Variants in NRG1 observed in about 807,000 individuals in gnomAD.
NRG1 encodes the protein neuregulin 1.
In NRG1, 18 loss-of-function variants were observed where a neutral mutation model predicts 63.8. The observed-to-expected ratio is 0.28, with a 90% CI of 0.19 to 0.42. The LOEUF is 0.42. Among genes scored for constraint, NRG1 ranks in the 10% least tolerant of loss-of-function variants. NRG1 has a pLI of 1.00. For missense variants in NRG1, 762 were observed against 814.7 expected, an observed-to-expected ratio of 0.94 and a Z score of 0.79; for synonymous variants, 302 against 301.3, an observed-to-expected ratio of 1.00 and a Z score of -0.02.
At chr8:32,332,777 G>A (rs1024233447) in intron 1 of NRG1, among the ~76,000 whole-genome samples, 3 of 152,298 alleles carry the variant, frequency 2.0e-5, no homozygotes, top group Admixed American at 6.5e-5. Context: ...CCACCAGACC[G>A]TGAGGCCTCT....
intron 1 of NRG1, among the ~76,000 whole-genome samples, chr8:32,282,073 C>G (rs1341745095): frequency 6.6e-6 from 1 of 152,140 alleles, no homozygotes; most frequent in Non-Finnish European, 1.5e-5. Context: ...TTTGATGGTA[C>G]AACTTCTAAC....
At chr8:31,905,404 T>G (rs945472928) in intron 1 of NRG1, among the ~76,000 whole-genome samples, 1 of 152,180 alleles carries the variant, frequency 6.6e-6, no homozygotes, top group Non-Finnish European at 1.5e-5. Flanking sequence ...GAGACAAAAC[T>G]CCCTCTTCTA....
At position 32,260,151 on chromosome 8, in the gene NRG1, T is replaced by C. The variant is rs118010487; in HGVS notation, c.38-335677T>C. 3.9e-3 allele frequency among the ~76,000 whole-genome samples: 601 copies of C among 152,218 alleles called. 8 individuals are homozygous for C. Among genetic ancestry groups the C allele is most frequent in the East Asian group, 0.024 (122 of 5,170 alleles). On this transcript the variant is annotated intron_variant, in intron 1 of 10. Transcript: ENST00000519301. ...ATGCCTGAACTTGCTCAAATAGAAA[T>C]GGGATTACTAAAACAACTATATATC...
chr8:31,942,309 G>A (rs1801872242), intron 1 of NRG1, among the ~76,000 whole-genome samples: 1 of 152,102 alleles, frequency 6.6e-6, no homozygotes, highest in Non-Finnish European at 1.5e-5. Flanking sequence ...TTCAACAAAT[G>A]GTGCTGAGAT....
At chr8:32,702,319 G>A (rs1051020040) in intron 5 of NRG1, among the ~76,000 whole-genome samples, 2 of 152,192 alleles carry the variant, frequency 1.3e-5, no homozygotes, top group Non-Finnish European at 2.9e-5. Context: ...TGTGTGGGAC[G>A]TGTGTCAGTG....
intron 1 of NRG1, among the ~76,000 whole-genome samples, chr8:31,972,950 T>A (rs1351027592): frequency 6.6e-6 from 1 of 152,230 alleles, no homozygotes; most frequent in Non-Finnish European, 1.5e-5. Flanking sequence ...ATACATAATA[T>A]ATAACTTCAC....
intron 1 of NRG1, among the ~76,000 whole-genome samples, chr8:32,031,683 C>A (rs1016244590): frequency 6.6e-6 from 1 of 152,128 alleles, no homozygotes; most frequent in Non-Finnish European, 1.5e-5. Context: ...TATTGTTCAG[C>A]TCCTACTTAT....
chr8:32,200,864 G>A (rs1335793489), intron 1 of NRG1, among the ~76,000 whole-genome samples: 1 of 152,042 alleles, frequency 6.6e-6, no homozygotes, highest in Non-Finnish European at 1.5e-5. Flanking sequence ...TTCCTTCAGG[G>A]GTAAAATCTC....
At chr8:31,868,375 C>T (rs993295041) in intron 1 of NRG1, among the ~76,000 whole-genome samples, 1 of 152,118 alleles carries the variant, frequency 6.6e-6, no homozygotes, top group African/African-American at 2.4e-5. Flanking sequence ...GTGTAACTAC[C>T]TCAAATAAAT....
chr8:32,320,380 T>C (rs529987586), intron 1 of NRG1, among the ~76,000 whole-genome samples: 1 of 152,288 alleles, frequency 6.6e-6, no homozygotes, highest in South Asian at 2.1e-4. Flanking sequence ...CATTCTCTCA[T>C]TGCTATAAAG....
At chr8:32,655,691 A>G (rs982386110) in intron 5 of NRG1, among the ~76,000 whole-genome samples, 3 of 152,176 alleles carry the variant, frequency 2.0e-5, no homozygotes, top group African/African-American at 7.2e-5. Flanking sequence ...ATTGGTTAGA[A>G]TACATAGATT....
chr8:32,476,544 A>T (rs564320082), intron 1 of NRG1, among the ~76,000 whole-genome samples: 23 of 152,252 alleles, frequency 1.5e-4, no homozygotes, highest in African/African-American at 5.3e-4. Context: ...GGACCATGTG[A>T]TCTCTTTTCT....
intron 1 of NRG1, among the ~76,000 whole-genome samples, chr8:32,519,476 T>A (rs1428794642): frequency 8.4e-6 from 1 of 119,388 alleles, no homozygotes; most frequent in African/African-American, 3.2e-5. Flanking sequence ...TGGCTTCAGA[T>A]AACATCTATG....
rs370734892 is a variant in NRG1 at position 32,693,287 on chromosome 8, C to T, written c.503-34662C>T. On this transcript the variant is annotated intron_variant, in intron 5 of 11. Coordinates refer to ENST00000356819, the Ensembl canonical transcript of NRG1. ...AGGCTGGAGTGCAGTGGCACAATCTCGGCGCACTGCAACCTCCGCCTTCTG... is the reference window on the plus strand; with the variant it reads ...AGGCTGGAGTGCAGTGGCACAATCTTGGCGCACTGCAACCTCCGCCTTCTG... Among the ~76,000 whole-genome samples, 17 of 150,514 alleles carry T rather than the reference C, an allele frequency of 1.1e-4. No individual in the cohort carries two copies. The East Asian group carries it at 1.4e-3, about 12-fold the overall frequency.
chr8:32,312,780 CCTT>C (rs1411966605), intron 1 of NRG1, among the ~76,000 whole-genome samples: 1 of 111,380 alleles, frequency 9.0e-6, no homozygotes, highest in Admixed American at 9.6e-5. Flanking sequence ...CTCCCTCTCT[CCTT>C]CCCTTCCTTC....
intron 1 of NRG1, among the ~76,000 whole-genome samples, chr8:31,972,347 G>C (rs1352869496): frequency 1.3e-5 from 2 of 152,108 alleles, no homozygotes; most frequent in Admixed American, 6.5e-5. Context: ...AAACAGCCTA[G>C]CTTTACAGTT....
chr8:32,757,134 C>T (rs1348431697), intron 9 of NRG1, among the ~76,000 whole-genome samples: 10 of 152,130 alleles, frequency 6.6e-5, no homozygotes, highest in Non-Finnish European at 1.0e-4. Flanking sequence ...GAAATATATC[C>T]ATAATCATTA....
intron 1 of NRG1, among the ~76,000 whole-genome samples, chr8:32,020,462 T>C (rs1816248281): frequency 6.6e-6 from 1 of 152,216 alleles, no homozygotes; most frequent in South Asian, 2.1e-4. Flanking sequence ...TTTTTGTACA[T>C]TTTATTTCCT....
chr8:32,172,851 A>G (rs1357735776), intron 1 of NRG1, among the ~76,000 whole-genome samples: 1 of 152,254 alleles, frequency 6.6e-6, no homozygotes, highest in African/African-American at 2.4e-5. Context: ...GAAAAGACCA[A>G]ATCTACATCT....
Sources: gnomAD v4.1 joint callset for allele counts (sites outside exome capture counted in the v4.1 genomes callset) on GRCh38, gnomAD v4.1.1 for gene constraint, MANE v1.5 for transcripts, NCBI Gene and HGNC (gene_info 2026-07-23, HGNC 2026-07-21) for gene names.